BAZ2B: variants seen among roughly 807,000 people sequenced by gnomAD.
BAZ2B encodes the protein bromodomain adjacent to zinc finger domain protein 2B.
BAZ2B carries 91 observed loss-of-function variants against 246.0 expected under a neutral mutation model. The ratio of observed to expected loss-of-function variants is 0.37; its 90% CI spans 0.31 to 0.44. The LOEUF (loss-of-function observed/expected upper bound fraction) is 0.44, where lower values mean the gene tolerates loss of function less well. Among genes scored for constraint, BAZ2B ranks in the 20% least tolerant of loss-of-function variants. BAZ2B has a pLI of 1.00. For missense variants in BAZ2B, 2,332 were observed against 2,533.7 expected, an observed-to-expected ratio of 0.92 and a Z score of 1.71; for synonymous variants, 855 against 860.0, an observed-to-expected ratio of 0.99 and a Z score of 0.10.
At chr2:159,620,755 T>C (rs570121926), upstream of BAZ2B, among the ~76,000 whole-genome samples, 28 of 151,998 alleles carry the variant, frequency 1.8e-4, no homozygotes, top group Non-Finnish European at 3.1e-4. Context: ...GATAAAGGAA[T>C]GATAGGGATG....
At chr2:159,345,260 T>C (rs1390353949) in intron 31 of BAZ2B, among the ~76,000 whole-genome samples, 1 of 152,028 alleles carries the variant, frequency 6.6e-6, no homozygotes. Flanking sequence ...AGAAATAAGT[T>C]CTCGTGCTCT....
In BAZ2B at chr2:159,439,018, A is replaced by C; in HGVS notation, c.891T>G (p.Ser297Arg). 1 of 1,613,070 alleles carries C rather than the reference A, an allele frequency of 6.2e-7. No individual in the cohort carries two copies. ...SDSESEAQHKSNNQVLLHGIS... is the reference protein window; with the variant it reads ...SDSESEAQHKRNNQVLLHGIS... ...ATGAAAAAAATTATACCTGGTTGTT[A>C]CTTTTATGTTGTGCTTCACTCTCTG... The change falls in exon 7 of 37, where the codon AGT (serine) becomes AGG (arginine). Residue 297 changes from serine to arginine, a missense_variant. Coordinates refer to ENST00000392783, the MANE Select transcript of BAZ2B (RefSeq NM_013450.4).
intron 2 of BAZ2B, among the ~76,000 whole-genome samples, chr2:159,501,117 A>G: frequency 2.1e-5 from 1 of 48,362 alleles, no homozygotes; most frequent in East Asian, 4.6e-4. Flanking sequence ...TTAAAAATAT[A>G]TATATAATAT....
Position 159,324,833 on chromosome 2 carries a change from TA to T in BAZ2B, c.6330del (p.Arg2111GlufsTer4). ...TACTGTCCACTACTTAGTTTCTCTCTAATTGTGGAAAAATCCATAGGCTTCT... is the reference window on the plus strand; with the variant it reads ...TACTGTCCACTACTTAGTTTCTCTCTATTGTGGAAAAATCCATAGGCTTCT... The part of the protein sequence containing the change: ...VIKKPMDFST[I>X]REKLSSGQYP... On this transcript the variant is annotated frameshift_variant, in exon 36 of 37. Coordinates refer to ENST00000392783, the MANE Select transcript of BAZ2B (RefSeq NM_013450.4). LOFTEE classifies it high-confidence loss of function. The T allele has an allele frequency of 6.6e-7, 1 of 1,508,248 alleles. No individual in the cohort carries two copies. The allele number at this position is 1,508,248 out of a possible 1,614,324, so 93.4% of individuals were successfully genotyped here.
chr2:159,625,674 G>A, the BAZ2B span, among the ~76,000 whole-genome samples: 1 of 152,112 alleles, frequency 6.6e-6, no homozygotes, highest in African/African-American at 2.4e-5. Flanking sequence ...GCTCCTGAAG[G>A]AAGCACTAAA....
intron 14 of BAZ2B, among the ~76,000 whole-genome samples, chr2:159,411,591 T>C (rs1451074891): frequency 6.6e-6 from 1 of 152,202 alleles, no homozygotes; most frequent in Non-Finnish European, 1.5e-5. Flanking sequence ...TCTACACATA[T>C]GTTGATATAT....
intron 13 of BAZ2B, among the ~76,000 whole-genome samples, chr2:159,413,426 G>A (rs6730764): frequency 0.1 from 15,669 of 152,134 alleles, 1,194 homozygotes; most frequent in East Asian, 0.23. Flanking sequence ...GCGCGGACTG[G>A]CCGGGCACAG....
chr2:159,372,840 A>C (rs2061000858), intron 27 of BAZ2B, among the ~76,000 whole-genome samples: 1 of 152,224 alleles, frequency 6.6e-6, no homozygotes, highest in Non-Finnish European at 1.5e-5. Flanking sequence ...GTCTGATGTC[A>C]GAAAGAGTAG....
chr2:159,598,267 C>T (rs1691245303), intron 1 of BAZ2B, among the ~76,000 whole-genome samples: 1 of 152,158 alleles, frequency 6.6e-6, no homozygotes, highest in Admixed American at 6.5e-5. Flanking sequence ...GCTAGGACTA[C>T]AGGCGTGAGC....
intron 33 of BAZ2B, among the ~76,000 whole-genome samples, chr2:159,333,314 G>C (rs2065087255): frequency 6.6e-6 from 1 of 151,756 alleles, no homozygotes; most frequent in African/African-American, 2.4e-5. Flanking sequence ...GGTTTCTAAG[G>C]AAAAAAGATA....
the BAZ2B span, among the ~76,000 whole-genome samples, chr2:159,706,916 G>C: frequency 6.6e-5 from 10 of 152,156 alleles, no homozygotes; most frequent in Non-Finnish European, 1.3e-4. Flanking sequence ...TCAGCCTTAA[G>C]AGCAAAAACT....
intron 6 of BAZ2B, among the ~76,000 whole-genome samples, chr2:159,442,790 T>A (rs986835895): frequency 4.6e-5 from 7 of 152,194 alleles, no homozygotes; most frequent in African/African-American, 1.7e-4. Context: ...TTACTTCACT[T>A]TGTATAATAA....
chr2:159,514,251 C>A (rs2083218375), intron 2 of BAZ2B, among the ~76,000 whole-genome samples: 1 of 152,144 alleles, frequency 6.6e-6, no homozygotes, highest in South Asian at 2.1e-4. Context: ...TTCCCATGTA[C>A]CTAGAACACC....
chr2:159,450,367 ACTCT>A (rs2074890144), intron 4 of BAZ2B, among the ~76,000 whole-genome samples: 1 of 136,488 alleles, frequency 7.3e-6, no homozygotes. Flanking sequence ...ACGGAGTGAA[ACTCT>A]CTCAAAGAAA....
Position 159,590,519 on chromosome 2 carries a change from G to C in BAZ2B, c.-46+25723C>G, listed in dbSNP as rs937308958. Among the ~76,000 whole-genome samples, 9 of 152,044 alleles carry C rather than the reference G, an allele frequency of 5.9e-5. No individual in the cohort carries two copies. The South Asian group carries it at 1.7e-3, about 28-fold the overall frequency. Reference sequence around the variant, plus strand: ...GGTAGGAGAATTGCTTGAACCCGGGGGGGTGGAGGTTGCAGTGAGCCAAGA... The same window carrying C: ...GGTAGGAGAATTGCTTGAACCCGGGCGGGTGGAGGTTGCAGTGAGCCAAGA... On this transcript the variant is annotated intron_variant, in intron 1 of 36. Coordinates refer to ENST00000392783, the MANE Select transcript of BAZ2B (RefSeq NM_013450.4).
intron 27 of BAZ2B, among the ~76,000 whole-genome samples, chr2:159,357,772 A>G (rs534487399): frequency 7.9e-5 from 12 of 152,362 alleles, no homozygotes; most frequent in Non-Finnish European, 1.6e-4. Context: ...ATCTCTCTGC[A>G]GAAACCTTAC....
At chr2:159,578,604 CA>C (rs1685934216) in intron 1 of BAZ2B, among the ~76,000 whole-genome samples, 1 of 152,186 alleles carries the variant, frequency 6.6e-6, no homozygotes, top group Admixed American at 6.5e-5. Flanking sequence ...CTCTCCACCC[CA>C]AATCAACAGA....
At chr2:159,455,906 A>C (rs1436216124) in intron 3 of BAZ2B, among the ~76,000 whole-genome samples, 1 of 151,544 alleles carries the variant, frequency 6.6e-6, no homozygotes, top group East Asian at 1.9e-4. Context: ...CAGTCAATTC[A>C]ACTTCCTGAC....
At chr2:159,564,794 A>T (rs915242457) in intron 1 of BAZ2B, among the ~76,000 whole-genome samples, 1 of 152,238 alleles carries the variant, frequency 6.6e-6, no homozygotes, top group Non-Finnish European at 1.5e-5. Flanking sequence ...TTCAGGAAAG[A>T]TAACATGACA....
Sources: gnomAD v4.1 joint callset for allele counts (sites outside exome capture counted in the v4.1 genomes callset) on GRCh38, gnomAD v4.1.1 for gene constraint, MANE v1.5 for transcripts, NCBI Gene and HGNC (gene_info 2026-07-23, HGNC 2026-07-21) for gene names.